Variants in TTC34 observed in about 807,000 individuals in gnomAD.
TTC34 encodes the protein tetratricopeptide repeat domain 34, also known as tetratricopeptide repeat protein 34.
TTC34 carries 44 observed loss-of-function variants against 40.7 expected under a neutral mutation model. The observed-to-expected ratio is 1.08, with a 90% CI of 0.85 to 1.39. TTC34 has a LOEUF of 1.39. TTC34 is among the 40% of genes most tolerant of loss of function. The pLI, the probability that TTC34 is intolerant of heterozygous loss-of-function variation, is 0.00. For missense variants in TTC34, 884 were observed against 838.0 expected (o/e 1.05, Z -0.68); for synonymous variants, 422 against 398.6 (o/e 1.06, Z -0.70).
At chr1:2,785,964 G>A (rs770678590) in exon 5 of TTC34, 12 of 1,514,580 alleles carry the variant, frequency 7.9e-6, no homozygotes, top group Non-Finnish European at 1.1e-5. Flanking sequence ...CGTGGCAGAA[G>A]ACGTCCAGGG....
In TTC34 at chr1:2,645,439, G is replaced by A; in HGVS notation, c.2351C>T (p.Ala784Val). ...AGTGTCTGGCAGCTGGCTCAGAAGG[G>A]CCCGGCAGTGGGAGTAGAGGCCCTG... The change falls in exon 7 of 9, where the codon GCC becomes GTC. Residue 784 changes from alanine to valine, a missense_variant. Physicochemically the swap from Ala to Val is moderately conservative, Grantham distance 64. Coordinates refer to ENST00000401095, the Ensembl canonical transcript of TTC34. The surrounding 1 kb of genome is among the most constrained non-coding windows in gnomAD (Gnocchi z 4.7). The A allele has an allele frequency of 6.5e-7, 1 of 1,535,632 alleles. No individual in the cohort carries two copies. The highest frequency in any genetic ancestry group is 8.7e-7 in the Non-Finnish European group (1 of 1,146,712).
chr1:2,775,807 G>T (rs1383725607), intron 6 of TTC34, among the ~76,000 whole-genome samples: 2 of 146,468 alleles, frequency 1.4e-5, no homozygotes, highest in Non-Finnish European at 3.0e-5. Flanking sequence ...GTGAGCATCT[G>T]ACAGCCTGGA....
At chr1:2,697,802 TGCACCCCCGGGTGAGG>T (rs1640939097) in intron 6 of TTC34, among the ~76,000 whole-genome samples, 1 of 102,994 alleles carries the variant, frequency 9.7e-6, no homozygotes, top group African/African-American at 3.6e-5. Context: ...AACAGCACCC[TGCACCCCCGGGTGAGG>T]ATCAGACAGC....
chr1:2,787,471 G>A lies in TTC34; in HGVS notation c.1854+10C>T. 6.8e-7 allele frequency: 1 copy of A among 1,467,340 alleles called. No homozygotes were observed. The highest frequency in any genetic ancestry group is 9.1e-7 in the Non-Finnish European group (1 of 1,102,708). 90.9% of individuals were successfully genotyped at this position (1,467,340 alleles called of 1,614,324 possible). ...CCACCTGCCCTCTGTCACCCCCCAGGCCTCCTCACCTGGTTGGCGTCATAG... is the reference window on the plus strand; with the variant it reads ...CCACCTGCCCTCTGTCACCCCCCAGACCTCCTCACCTGGTTGGCGTCATAG... On this transcript the variant is annotated intron_variant, in intron 4 of 8. Coordinates refer to ENST00000401095, the Ensembl canonical transcript of TTC34.
chr1:2,786,596 C>T (rs562180120), intron 4 of TTC34, among the ~76,000 whole-genome samples: 1 of 152,322 alleles, frequency 6.6e-6, no homozygotes, highest in South Asian at 2.1e-4. Flanking sequence ...GACTCCGCCC[C>T]AGTGGGCCCA....
At chr1:2,783,678 C>A in exon 6 of TTC34, 1 of 1,543,380 alleles carries the variant, frequency 6.5e-7, no homozygotes, top group Non-Finnish European at 8.8e-7. Context: ...CCGGCTCAGC[C>A]CGCAGCACTG....
chr1:2,687,400 C>G (rs1168147333), intron 6 of TTC34, among the ~76,000 whole-genome samples: 66 of 151,736 alleles, frequency 4.3e-4, no homozygotes, highest in Admixed American at 9.8e-4. Context: ...GGAACGGCAC[C>G]CACACCCCCA....
intron 6 of TTC34, among the ~76,000 whole-genome samples, chr1:2,698,781 T>C: frequency 6.9e-6 from 1 of 144,218 alleles, no homozygotes; most frequent in Non-Finnish European, 1.5e-5. Context: ...CAGGTGAACA[T>C]CCGACATCGT....
At chr1:2,798,317 G>A (rs2100637145) in intron 2 of TTC34, among the ~76,000 whole-genome samples, 1 of 86,708 alleles carries the variant, frequency 1.2e-5, no homozygotes, top group African/African-American at 5.0e-5. Context: ...CAGCCCCCCA[G>A]CCTCCCAGCC....
At chr1:2,785,920 G>T in exon 5 of TTC34, 1 of 1,534,490 alleles carries the variant, frequency 6.5e-7, no homozygotes, top group Non-Finnish European at 8.8e-7. Context: ...CAGGGCCCTG[G>T]CGTGGCAGTG....
chr1:2,681,560 C>G (rs1215578524), intron 6 of TTC34, among the ~76,000 whole-genome samples: 3 of 81,514 alleles, frequency 3.7e-5, no homozygotes, highest in Non-Finnish European at 9.1e-5. Context: ...AGTTGCGCAT[C>G]TGATGGTCTG....
At chr1:2,660,130 C>A (rs1639488125) in intron 6 of TTC34, among the ~76,000 whole-genome samples, 3 of 114,066 alleles carry the variant, frequency 2.6e-5, no homozygotes, top group Non-Finnish European at 5.5e-5. Context: ...CATCTGACAG[C>A]CTGGGTCGGC....
chr1:2,791,276 C>T (rs936364052), intron 2 of TTC34, among the ~76,000 whole-genome samples: 2 of 152,172 alleles, frequency 1.3e-5, no homozygotes. Context: ...CCGTGCTGGG[C>T]GGGCTTCAGG....
chr1:2,788,312 T>A (rs1031399250), intron 3 of TTC34, among the ~76,000 whole-genome samples: 1 of 151,252 alleles, frequency 6.6e-6, no homozygotes, highest in African/African-American at 2.4e-5. Flanking sequence ...ATGTACATGT[T>A]GTGTGTTGTA....
At chr1:2,642,777 C>A (rs1393716104) in intron 8 of TTC34, among the ~76,000 whole-genome samples, 1 of 152,208 alleles carries the variant, frequency 6.6e-6, no homozygotes, top group Non-Finnish European at 1.5e-5. Context: ...CAGGACCCCG[C>A]CAGGCTTGGC....
chr1:2,787,015 T>C (rs1643599551), intron 4 of TTC34, among the ~76,000 whole-genome samples: 1 of 152,116 alleles, frequency 6.6e-6, no homozygotes, highest in Admixed American at 6.5e-5. Flanking sequence ...GAACCCGGGA[T>C]AGCACCTGAG....
intron 6 of TTC34, among the ~76,000 whole-genome samples, chr1:2,699,562 C>A (rs1461948193): frequency 2.1e-5 from 3 of 142,814 alleles, no homozygotes; most frequent in African/African-American, 7.5e-5. Context: ...CAGCCTGGAG[C>A]AGCACCCACA....
intron 6 of TTC34, among the ~76,000 whole-genome samples, chr1:2,688,194 AGCAGCACCCCACACCCCCAGG>A (rs1640456489): frequency 6.6e-6 from 1 of 150,542 alleles, no homozygotes; most frequent in African/African-American, 2.5e-5. Flanking sequence ...GACAGCCTGG[AGCAGCACCCCACACCCCCAGG>A]GGAGCATCCG....
rs910735899 is a variant in TTC34, at chr1:2,768,681, G to A, written c.2226+14928C>T. Among the ~76,000 whole-genome samples, 5 of 150,388 alleles carry A rather than the reference G, an allele frequency of 3.3e-5. 1 individual carries two copies. Among genetic ancestry groups the A allele is most frequent in the Non-Finnish European group, 5.9e-5 (4 of 67,638 alleles). Reference sequence around the variant, plus strand: ...CACATCCCCAGGTAAGATTCCAACAGCATGGAACAAGACCACTGCCCCCAG... The same window carrying A: ...CACATCCCCAGGTAAGATTCCAACAACATGGAACAAGACCACTGCCCCCAG... On this transcript the variant is annotated intron_variant, in intron 6 of 8. Coordinates refer to ENST00000401095, the Ensembl canonical transcript of TTC34.
Sources: gnomAD v4.1 joint callset for allele counts (sites outside exome capture counted in the v4.1 genomes callset) on GRCh38, gnomAD v4.1.1 for gene constraint, Gnocchi (gnomAD v3.1) non-coding constraint, MANE v1.5 for transcripts, NCBI Gene and HGNC (gene_info 2026-07-23, HGNC 2026-07-21) for gene names.